Variants in IQCJ observed in about 807,000 individuals in gnomAD.
IQCJ encodes the protein IQ domain-containing protein J.
IQCJ carries 9 observed loss-of-function variants against 11.0 expected under a neutral mutation model. That is an observed-to-expected ratio of 0.82 (90% CI 0.49 to 1.43). The LOEUF is 1.43. Among genes scored for constraint, IQCJ ranks in the 40% most tolerant of loss-of-function variants. The probability of loss-of-function intolerance (pLI) is 0.00; values close to 1 mark genes in which losing one functional copy is unlikely to be tolerated. For synonymous variants in IQCJ, 55 were observed against 51.3 expected, an observed-to-expected ratio of 1.07 and a Z score of -0.31; for missense variants, 146 against 133.2, an observed-to-expected ratio of 1.10 and a Z score of -0.47.
At chr3:159,203,174 T>C (rs1175620998) in intron 1 of IQCJ, among the ~76,000 whole-genome samples, 3 of 149,142 alleles carry the variant, frequency 2.0e-5, no homozygotes, top group Non-Finnish European at 4.4e-5. Flanking sequence ...CCTGGTGTCA[T>C]TGGAGGATTT....
chr3:159,184,959 G>C (rs1336521269), intron 1 of IQCJ, among the ~76,000 whole-genome samples: 1 of 152,184 alleles, frequency 6.6e-6, no homozygotes, highest in Non-Finnish European at 1.5e-5. Flanking sequence ...TGTATGATAA[G>C]AAGTTACTTA....
rs71144478 is a variant in IQCJ at position 159,201,627 on chromosome 3, C to CTTTTTTT, written c.10-44197_10-44191dup. Among the ~76,000 whole-genome samples the CTTTTTTT allele has an allele frequency of 4.4e-4, 31 of 70,306 alleles. 3 individuals are homozygous for CTTTTTTT. Among genetic ancestry groups the CTTTTTTT allele is most frequent in the East Asian group, 2.0e-3 (4 of 1,972 alleles). 46.1% of individuals were successfully genotyped at this position (70,306 alleles called of 152,430 possible). On this transcript the variant is annotated intron_variant, in intron 1 of 3. Coordinates refer to ENST00000397832, the MANE Select transcript of IQCJ (RefSeq NM_001042706.3). ...AGAAACAAAACTGTTGATAATGATT[C>CTTTTTTT]TTTTTTTTTTTTTTTTTTTTTTTTT...
intron 1 of IQCJ, among the ~76,000 whole-genome samples, chr3:159,121,112 C>G (rs367613977): frequency 6.6e-6 from 1 of 151,218 alleles, no homozygotes; most frequent in African/African-American, 2.4e-5. Context: ...GCAAGGGAGT[C>G]TTTAAGCTGG....
At chr3:159,163,096 C>T (rs545647184) in intron 1 of IQCJ, among the ~76,000 whole-genome samples, 35 of 152,272 alleles carry the variant, frequency 2.3e-4, no homozygotes, top group Non-Finnish European at 4.6e-4. Flanking sequence ...ATTCTGATAC[C>T]AAAGCTGGGC....
intron 3 of IQCJ, among the ~76,000 whole-genome samples, chr3:159,255,840 C>T (rs1560044759): frequency 6.6e-6 from 1 of 152,170 alleles, no homozygotes; most frequent in South Asian, 2.1e-4. Flanking sequence ...AAAGGCAAGC[C>T]TCTCAAATCA....
In IQCJ at chr3:159,162,621, A is replaced by T. The variant is rs553416241; in HGVS notation, c.10-83222A>T. Among the ~76,000 whole-genome samples, 43 of 152,328 alleles carry T rather than the reference A, an allele frequency of 2.8e-4. 1 individual carries two copies. The highest frequency in any genetic ancestry group is 3.4e-3 in the Middle Eastern group (1 of 294). On this transcript the variant is annotated intron_variant, in intron 1 of 3. Transcript: ENST00000397832. ...GACACAAAAAACCCTTCAAAAAATT[A>T]ATGAATCCAGGAGCTGGTTTTTTGA...
chr3:159,154,489 G>A (rs994647819), intron 1 of IQCJ, among the ~76,000 whole-genome samples: 1 of 151,988 alleles, frequency 6.6e-6, no homozygotes, highest in African/African-American at 2.4e-5. Context: ...TATCAGCTCT[G>A]CCTTTTTTTT....
At chr3:159,085,861 A>G (rs374730329) in intron 1 of IQCJ, among the ~76,000 whole-genome samples, 6,457 of 148,566 alleles carry the variant, frequency 0.043, 478 homozygotes, top group African/African-American at 0.16. Flanking sequence ...CTCCCATTTT[A>G]TAGGTTGCCT....
At position 159,121,818 on chromosome 3, in the gene IQCJ, G is replaced by A. The variant is rs148508948; in HGVS notation, c.9+52377G>A. Among the ~76,000 whole-genome samples, 348 of 152,282 alleles carry A rather than the reference G, an allele frequency of 2.3e-3. 3 individuals are homozygous for A. The highest frequency in any genetic ancestry group is 8.0e-3 in the African/African-American group (334 of 41,568). On this transcript the variant is annotated intron_variant, in intron 1 of 3. Coordinates refer to ENST00000397832, the MANE Select transcript of IQCJ (RefSeq NM_001042706.3). ...TTGAAGGGAGCAGAAAGGATATTCTGACTTCCATATTCTGGATTCCCTAAT... is the reference window on the plus strand; with the variant it reads ...TTGAAGGGAGCAGAAAGGATATTCTAACTTCCATATTCTGGATTCCCTAAT...
At chr3:159,095,572 A>T (rs1248512545) in intron 1 of IQCJ, among the ~76,000 whole-genome samples, 2 of 111,028 alleles carry the variant, frequency 1.8e-5, no homozygotes, top group South Asian at 7.0e-4. Context: ...TGTCCATGTG[A>T]TCTCATTGTT....
chr3:159,129,361 C>T (rs1238951546), intron 1 of IQCJ, among the ~76,000 whole-genome samples: 1 of 152,158 alleles, frequency 6.6e-6, no homozygotes, highest in Non-Finnish European at 1.5e-5. Context: ...TCCTATAGAG[C>T]TAGCCATTTC....
intron 1 of IQCJ, among the ~76,000 whole-genome samples, chr3:159,070,946 T>C (rs984681943): frequency 3.9e-5 from 6 of 151,994 alleles, no homozygotes; most frequent in African/African-American, 1.2e-4. Flanking sequence ...ATGATAATGA[T>C]TATAAAAGCA....
intron 3 of IQCJ, among the ~76,000 whole-genome samples, chr3:159,253,091 C>T (rs1051528813): frequency 1.3e-5 from 2 of 152,102 alleles, no homozygotes; most frequent in African/African-American, 4.8e-5. Flanking sequence ...TTTTCCTTTG[C>T]CTTTCGTCTT....
chr3:159,188,633 C>T (rs1399183533), intron 1 of IQCJ, among the ~76,000 whole-genome samples: 2 of 152,062 alleles, frequency 1.3e-5, no homozygotes, highest in Non-Finnish European at 2.9e-5. Flanking sequence ...ACGGCCTGTA[C>T]TCTAAGATTT....
intron 3 of IQCJ, among the ~76,000 whole-genome samples, chr3:159,262,200 T>G (rs1728252366): frequency 6.6e-6 from 1 of 152,250 alleles, no homozygotes; most frequent in African/African-American, 2.4e-5. Flanking sequence ...ATCTAAAATA[T>G]AAGATGAAAA....
intron 1 of IQCJ, among the ~76,000 whole-genome samples, chr3:159,163,863 G>A (rs1002212370): frequency 3.9e-5 from 6 of 152,130 alleles, no homozygotes; most frequent in African/African-American, 1.2e-4. Flanking sequence ...CATACACTAC[G>A]CTTGAGGTAT....
chr3:159,240,256 T>G (rs1318541475), intron 1 of IQCJ, among the ~76,000 whole-genome samples: 1 of 152,234 alleles, frequency 6.6e-6, no homozygotes, highest in Non-Finnish European at 1.5e-5. Flanking sequence ...TTCTACCTAT[T>G]ATAATTACTC....
rs570376677 is a variant in IQCJ at position 159,087,314 on chromosome 3, T to G, written c.9+17873T>G. ...GCTTTTTGATGTGCTGCTGGATTTG[T>G]TTTGCCAGTATTTTATTGAGGATTT... On this transcript the variant is annotated intron_variant, in intron 1 of 3. Transcript: ENST00000397832. 7.8e-3 allele frequency among the ~76,000 whole-genome samples: 1,180 copies of G among 151,194 alleles called. 14 individuals carry two copies. The highest frequency in any genetic ancestry group is 0.027 in the African/African-American group (1,111 of 40,958).
intron 1 of IQCJ, among the ~76,000 whole-genome samples, chr3:159,190,790 A>T (rs1577069864): frequency 1.3e-5 from 2 of 152,316 alleles, no homozygotes; most frequent in East Asian, 3.9e-4. Context: ...AAATGTGGAT[A>T]ATAATAGTAG....
Sources: allele counts gnomAD v4.1 joint callset (sites outside exome capture counted in the v4.1 genomes callset), GRCh38; gene constraint gnomAD v4.1.1; transcripts MANE v1.5; gene names NCBI Gene and HGNC (gene_info 2026-07-23, HGNC 2026-07-21).